The following BNC2 variants were observed in gnomAD, a reference collection of about 807,000 sequenced individuals.
The protein encoded by BNC2 is zinc finger protein basonuclin-2.
BNC2 carries 20 observed loss-of-function variants against 76.3 expected under a neutral mutation model. That is an observed-to-expected ratio of 0.26 (90% confidence interval 0.18 to 0.38). The LOEUF is 0.38. BNC2 is among the 10% of genes least tolerant of loss of function. The pLI, the probability that BNC2 is intolerant of heterozygous loss-of-function variation, is 1.00. For synonymous variants in BNC2, 582 were observed against 514.8 expected, an observed-to-expected ratio of 1.13 and a Z score of -1.77; for missense variants, 1,382 against 1,399.8, an observed-to-expected ratio of 0.99 and a Z score of 0.20.
chr9:16,771,219 A>G (rs73646244), intron 1 of BNC2, among the ~76,000 whole-genome samples: 14,358 of 152,208 alleles, frequency 0.094, 2,132 homozygotes, highest in African/African-American at 0.32. Context: ...GGAATGTGCT[A>G]TATCTGTCCT....
chr9:16,782,981 A>G (rs979984478), intron 1 of BNC2, among the ~76,000 whole-genome samples: 1 of 152,238 alleles, frequency 6.6e-6, no homozygotes, highest in Non-Finnish European at 1.5e-5. Flanking sequence ...TAATGAAAAC[A>G]TCGGAGTGTA....
At chr9:16,422,060 G>A in intron 6 of BNC2, among the ~76,000 whole-genome samples, 1 of 152,158 alleles carries the variant, frequency 6.6e-6, no homozygotes, top group East Asian at 1.9e-4. Flanking sequence ...TTAACATTGA[G>A]AAAAGGACAC....
At chr9:16,661,536 A>G (rs184128272) in intron 3 of BNC2, among the ~76,000 whole-genome samples, 2 of 152,288 alleles carry the variant, frequency 1.3e-5, no homozygotes, top group East Asian at 3.9e-4. Context: ...CGAGGCCATT[A>G]AAGTTTAGTG....
intron 5 of BNC2, among the ~76,000 whole-genome samples, chr9:16,538,784 A>G (rs1056542004): frequency 3.3e-5 from 5 of 152,226 alleles, no homozygotes; most frequent in Non-Finnish European, 7.3e-5. Flanking sequence ...TATTATTAAA[A>G]TACAACCAAG....
intron 1 of BNC2, among the ~76,000 whole-genome samples, chr9:16,805,038 G>A (rs1817871492): frequency 6.6e-6 from 1 of 152,030 alleles, no homozygotes; most frequent in African/African-American, 2.4e-5. Flanking sequence ...CTCCAGCCTG[G>A]GTGACAGACT....
intron 1 of BNC2, among the ~76,000 whole-genome samples, chr9:16,782,732 G>C (rs1243541135): frequency 1.3e-5 from 2 of 152,094 alleles, no homozygotes; most frequent in Non-Finnish European, 2.9e-5. Context: ...TGGTTGCCTG[G>C]TTTCATATTC....
In BNC2 at chr9:16,779,130, A is replaced by AAAAAAAAAG. The variant is rs556932807; in HGVS notation, c.4-40646_4-40645insCTTTTTTTT. ...CAAAAATTGTAAAAAAAAAAAAAAAAAAAAGAAAAGAAAAGAAAAAAAAAC... is the reference window on the plus strand; with the variant it reads ...CAAAAATTGTAAAAAAAAAAAAAAAAAAAAAAAAGAAAAGAAAAGAAAAGAAAAAAAAAC... On this transcript the variant is annotated intron_variant, in intron 1 of 6. Coordinates refer to ENST00000380672, the MANE Select transcript of BNC2 (RefSeq NM_017637.6). Among the ~76,000 whole-genome samples the AAAAAAAAAG allele has an allele frequency of 1.9e-3, 170 of 87,584 alleles. 1 individual carries two copies. The highest frequency in any genetic ancestry group is 5.7e-3 in the African/African-American group (139 of 24,374). 57.5% of individuals were successfully genotyped at this position (87,584 alleles called of 152,430 possible). A position where few individuals can be genotyped will look rare whatever the true frequency, so the allele number is the denominator to read the frequency against.
chr9:16,508,201 T>C (rs1324370575), intron 5 of BNC2, among the ~76,000 whole-genome samples: 1 of 152,228 alleles, frequency 6.6e-6, no homozygotes, highest in Non-Finnish European at 1.5e-5. Context: ...GATTCTGCTA[T>C]AAACCCTAAA....
At chr9:16,600,081 A>AGGC (rs1820203941) in intron 3 of BNC2, among the ~76,000 whole-genome samples, 1 of 152,206 alleles carries the variant, frequency 6.6e-6, no homozygotes, top group East Asian at 1.9e-4. Context: ...ACTTTAAGTA[A>AGGC]TCCAAGAGGG....
At chr9:16,748,446 C>G (rs1432069341) in intron 1 of BNC2, among the ~76,000 whole-genome samples, 1 of 151,892 alleles carries the variant, frequency 6.6e-6, no homozygotes, top group South Asian at 2.1e-4. Context: ...CCGGGGTGGT[C>G]GAGGCTACAG....
chr9:16,597,779 T>C (rs999587838), intron 3 of BNC2, among the ~76,000 whole-genome samples: 3 of 152,116 alleles, frequency 2.0e-5, no homozygotes, highest in Non-Finnish European at 4.4e-5. Context: ...TGCTCCTATT[T>C]GTACAAAGCT....
intron 1 of BNC2, among the ~76,000 whole-genome samples, chr9:16,849,780 A>G (rs186044108): frequency 6.6e-6 from 1 of 152,320 alleles, no homozygotes; most frequent in East Asian, 1.9e-4. Flanking sequence ...AAAAGTCAAC[A>G]TAAAAAAACT....
chr9:16,492,019 C>G (rs868042977), intron 5 of BNC2, among the ~76,000 whole-genome samples: 1 of 152,018 alleles, frequency 6.6e-6, no homozygotes, highest in African/African-American at 2.4e-5. Flanking sequence ...TCTACAAATA[C>G]GATTTTATCA....
At chr9:16,713,468 T>A (rs987583360) in intron 3 of BNC2, among the ~76,000 whole-genome samples, 2 of 104,284 alleles carry the variant, frequency 1.9e-5, no homozygotes, top group South Asian at 3.0e-4. Flanking sequence ...TTTTTTTTTT[T>A]AAGAAAGTTA....
chr9:16,425,311 T>C (rs957478978), intron 6 of BNC2, among the ~76,000 whole-genome samples: 6 of 152,088 alleles, frequency 3.9e-5, no homozygotes, highest in Non-Finnish European at 7.4e-5. Flanking sequence ...TAATAACAGG[T>C]AGGATGTATT....
At chr9:16,728,256 G>C in intron 2 of BNC2, 3 of 547,026 alleles carry the variant, frequency 5.5e-6, no homozygotes, top group Non-Finnish European at 9.9e-6. Flanking sequence ...CCAACCATCA[G>C]CTTCAAACTC....
intron 3 of BNC2, 112 bp from the exon 4 acceptor site, chr9:16,583,197 G>A: frequency 1.2e-6 from 1 of 853,704 alleles, no homozygotes; most frequent in Non-Finnish European, 1.9e-6. Context: ...TATGATGGTA[G>A]GGGCCTGGAG....
At chr9:16,515,968 A>G (rs1180475167) in intron 5 of BNC2, among the ~76,000 whole-genome samples, 2 of 151,220 alleles carry the variant, frequency 1.3e-5, no homozygotes, top group Non-Finnish European at 2.9e-5. Context: ...TCAGACTGCC[A>G]CTACCATAAA....
intron 3 of BNC2, among the ~76,000 whole-genome samples, chr9:16,661,695 G>C (rs919805544): frequency 6.6e-6 from 1 of 152,142 alleles, no homozygotes; most frequent in Non-Finnish European, 1.5e-5. Context: ...CATGTGTTGT[G>C]TGTGTGTGAT....
Sources: gnomAD v4.1 joint callset for allele counts (sites outside exome capture counted in the v4.1 genomes callset) on GRCh38, gnomAD v4.1.1 for gene constraint, MANE v1.5 for transcripts, NCBI Gene and HGNC (gene_info 2026-07-23, HGNC 2026-07-21) for gene names.